SNX29: variants seen among roughly 807,000 people sequenced by gnomAD.
SNX29 encodes sorting nexin-29.
A neutral mutation model predicts 102.1 loss-of-function variants in SNX29; 78 were observed. The observed-to-expected ratio is 0.76, with a 90% CI of 0.64 to 0.92. SNX29 has a LOEUF of 0.92. SNX29 is among the 40% of genes least tolerant of loss of function. The pLI is 0.00. For synonymous variants in SNX29, 580 were observed against 414.5 expected, an observed-to-expected ratio of 1.40 and a Z score of -4.85; for missense variants, 1,280 against 1,061.7, an observed-to-expected ratio of 1.21 and a Z score of -2.86.
At chr16:12,431,783 G>A (rs1300015532) in intron 18 of SNX29, among the ~76,000 whole-genome samples, 1 of 152,234 alleles carries the variant, frequency 6.6e-6, no homozygotes, top group East Asian at 1.9e-4. Flanking sequence ...CACAGCCGGT[G>A]CTGTGAGGTC....
At position 12,445,061 on chromosome 16, in the gene SNX29, G is replaced by T. The variant is rs1597400322; in HGVS notation, c.2038-32658G>T. Among the ~76,000 whole-genome samples, 4 of 152,200 alleles carry T rather than the reference G, an allele frequency of 2.6e-5. No homozygotes were observed. The South Asian group carries it at 8.3e-4, about 32-fold the overall frequency. ...AGATGGGGTTTCACCATGTTGGCCA[G>T]GCTGATCTTGAACTCCTGACCTGAA... On this transcript the variant is annotated intron_variant, in intron 18 of 20. Transcript: ENST00000566228.
At chr16:12,331,555 A>AT (rs1264957278) in intron 15 of SNX29, among the ~76,000 whole-genome samples, 11 of 151,940 alleles carry the variant, frequency 7.2e-5, no homozygotes, top group Non-Finnish European at 1.5e-4. Flanking sequence ...CTGTTCCAGA[A>AT]TTTTTTTGTT....
chr16:12,538,380 G>A (rs139527839), intron 20 of SNX29, among the ~76,000 whole-genome samples: 47 of 152,286 alleles, frequency 3.1e-4, no homozygotes, highest in Non-Finnish European at 5.9e-4. Flanking sequence ...GTGAGCCACC[G>A]CGCCCGGCCT....
At chr16:12,211,562 GTGTGTGTGTGTC>G (rs974222238) in intron 14 of SNX29, among the ~76,000 whole-genome samples, 238 of 152,236 alleles carry the variant, frequency 1.6e-3, no homozygotes, top group African/African-American at 5.5e-3. Flanking sequence ...ATAGGGGTGT[GTGTGTGTGTGTC>G]TGTGTGTGTA....
intron 15 of SNX29, 47 bp from the exon 16 acceptor site, chr16:12,356,116 G>A: frequency 6.4e-7 from 1 of 1,559,342 alleles, no homozygotes; most frequent in Non-Finnish European, 8.7e-7. Flanking sequence ...ATTGGTCCCT[G>A]GGGAATGTCT....
intron 19 of SNX29, among the ~76,000 whole-genome samples, chr16:12,517,594 A>G (rs1032875333): frequency 3.3e-5 from 5 of 152,116 alleles, no homozygotes; most frequent in Admixed American, 6.5e-5. Flanking sequence ...TTGTTCTCTC[A>G]ACAAATGTGT....
intron 20 of SNX29, among the ~76,000 whole-genome samples, chr16:12,541,452 C>T (rs934760911): frequency 4.6e-5 from 7 of 152,248 alleles, no homozygotes; most frequent in African/African-American, 1.4e-4. Context: ...AAAGGACCCA[C>T]GCTTAGTGCT....
At chr16:12,548,603 C>T (rs906160842) in intron 20 of SNX29, among the ~76,000 whole-genome samples, 2 of 152,192 alleles carry the variant, frequency 1.3e-5, no homozygotes, top group African/African-American at 4.8e-5. Flanking sequence ...GGCCCGGGTA[C>T]TCTGTCCAAG....
At chr16:12,243,072 G>C (rs180839226) in intron 14 of SNX29, among the ~76,000 whole-genome samples, 112 of 152,342 alleles carry the variant, frequency 7.4e-4, no homozygotes, top group Non-Finnish European at 1.4e-3. Flanking sequence ...ACGTGTCCTG[G>C]CCTGTGGGCT....
intron 14 of SNX29, among the ~76,000 whole-genome samples, chr16:12,221,967 C>T (rs1279556265): frequency 6.6e-6 from 1 of 152,176 alleles, no homozygotes; most frequent in African/African-American, 2.4e-5. Flanking sequence ...GTGAGCTCTC[C>T]CTTCTCCCTG....
intron 19 of SNX29, among the ~76,000 whole-genome samples, chr16:12,491,764 G>C (rs186078645): frequency 2.3e-3 from 349 of 151,894 alleles, no homozygotes; most frequent in African/African-American, 8.2e-3. Context: ...CCACCTATAA[G>C]TGAGAACATG....
Position 12,042,816 on chromosome 16 carries a change from C to T in SNX29, c.248-81C>T, listed in dbSNP as rs572771259. 857 of 1,414,846 alleles carry T rather than the reference C, an allele frequency of 6.1e-4. 12 individuals are homozygous for T. The South Asian group carries it at 0.011, about 18-fold the overall frequency. The allele number at this position is 1,414,846 out of a possible 1,614,324, so 87.6% of individuals were successfully genotyped here. ...GATACTCTGTTACAATCTCCAACTTCGCCTAGAGGCTTTGTGTGTTCCTCT... is the reference window on the plus strand; with the variant it reads ...GATACTCTGTTACAATCTCCAACTTTGCCTAGAGGCTTTGTGTGTTCCTCT... On this transcript the variant is annotated intron_variant, in intron 4 of 20. Coordinates refer to ENST00000566228, the MANE Select transcript of SNX29 (RefSeq NM_032167.5).
intron 14 of SNX29, among the ~76,000 whole-genome samples, chr16:12,234,711 G>T (rs1341946893): frequency 6.6e-6 from 1 of 152,298 alleles, no homozygotes; most frequent in East Asian, 1.9e-4. Context: ...CAGCCCAGAG[G>T]TTTTGGGGGT....
At chr16:12,108,583 C>T (rs185078968) in intron 11 of SNX29, among the ~76,000 whole-genome samples, 4 of 152,264 alleles carry the variant, frequency 2.6e-5, no homozygotes, top group East Asian at 1.9e-4. Context: ...ATGCGGGAAC[C>T]TCCATAGCCT....
intron 18 of SNX29, among the ~76,000 whole-genome samples, chr16:12,442,589 GTTTTTTTTTT>G (rs1330837514): frequency 7.0e-6 from 1 of 142,398 alleles, no homozygotes; most frequent in East Asian, 2.0e-4. Context: ...GTGTTTTTTT[GTTTTTTTTTT>G]TTTGATATAG....
At chr16:12,135,813 AT>A (rs1456527871) in intron 13 of SNX29, 4 of 375,594 alleles carry the variant, frequency 1.1e-5, no homozygotes, top group East Asian at 1.1e-4. Flanking sequence ...GTTATTAGAG[AT>A]TGGAGCACGT....
intron 15 of SNX29, among the ~76,000 whole-genome samples, chr16:12,297,992 A>G (rs2080038488): frequency 6.6e-6 from 1 of 152,182 alleles, no homozygotes; most frequent in Non-Finnish European, 1.5e-5. Flanking sequence ...CAACATGGCA[A>G]AAGCCTGTCT....
At chr16:12,303,841 C>T (rs78524474) in intron 15 of SNX29, among the ~76,000 whole-genome samples, 6,256 of 152,290 alleles carry the variant, frequency 0.041, 228 homozygotes, top group African/African-American at 0.093. Flanking sequence ...TGGGCGGAGT[C>T]ACAGCTGAGT....
chr16:12,494,659 A>G (rs2088723428), intron 19 of SNX29, among the ~76,000 whole-genome samples: 1 of 152,124 alleles, frequency 6.6e-6, no homozygotes, highest in Admixed American at 6.5e-5. Context: ...GAACTTTCTC[A>G]TCATTTAATT....
Sources: allele counts gnomAD v4.1 joint callset (sites outside exome capture counted in the v4.1 genomes callset), GRCh38; gene constraint gnomAD v4.1.1; transcripts MANE v1.5; gene names NCBI Gene and HGNC (gene_info 2026-07-23, HGNC 2026-07-21).